SCAI: variants seen among roughly 807,000 people sequenced by gnomAD.
SCAI encodes the protein protein SCAI.
Under a neutral mutation model 92.2 loss-of-function variants are expected in SCAI, and 24 were observed. That is an observed-to-expected ratio of 0.26 (90% CI 0.19 to 0.37). The LOEUF is 0.37. Ranked by LOEUF, SCAI falls within the 10% of genes least tolerant of loss-of-function variation. SCAI has a pLI of 1.00. For missense variants in SCAI, 450 were observed against 736.2 expected (o/e 0.61, Z 4.50); for synonymous variants, 261 against 258.6 (o/e 1.01, Z -0.09).
intron 4 of SCAI, among the ~76,000 whole-genome samples, chr9:125,029,393 A>AT (rs762961776): frequency 6.6e-6 from 1 of 152,198 alleles, no homozygotes; most frequent in African/African-American, 2.4e-5. Context: ...AAGTGCTGGG[A>AT]TTACAGGCAT....
chr9:125,104,990 C>T (rs1444924982), intron 2 of SCAI, among the ~76,000 whole-genome samples: 1 of 150,766 alleles, frequency 6.6e-6, no homozygotes, highest in Non-Finnish European at 1.5e-5. Flanking sequence ...AGTGTCAACA[C>T]TGTTTTGTTT....
chr9:125,138,074 A>G (rs1055975704), intron 2 of SCAI, among the ~76,000 whole-genome samples: 2 of 152,108 alleles, frequency 1.3e-5, no homozygotes, highest in Non-Finnish European at 2.9e-5. Context: ...CACTGGCTTT[A>G]TCTGCTTCTT....
Position 124,999,767 on chromosome 9 carries a change from C to T in SCAI, c.1244+124G>A, listed in dbSNP as rs1832319064. On this transcript the variant is annotated intron_variant, in intron 13 of 17. Transcript: ENST00000336505. ...TCCAAATAAGTGTTTCTGGTCTGTC[C>T]CTAAATCTTAGTCTAAGGGAATCAT... The T allele has an allele frequency of 5.1e-6, 3 of 590,644 alleles. No individual in the cohort carries two copies. In the South Asian group the frequency reaches 6.6e-5, roughly 13 times the overall value. 36.6% of individuals were successfully genotyped at this position (590,644 alleles called of 1,614,324 possible). A position where few individuals can be genotyped will look rare whatever the true frequency, so the allele number is the denominator to read the frequency against.
chr9:125,133,401 AAAAG>A (rs1278536440), intron 2 of SCAI, among the ~76,000 whole-genome samples: 1 of 152,270 alleles, frequency 6.6e-6, no homozygotes, highest in East Asian at 1.9e-4. Context: ...AAACAAAAAA[AAAAG>A]ATTTTGCTTT....
At chr9:125,081,708 G>A (rs1173532385) in intron 2 of SCAI, among the ~76,000 whole-genome samples, 1 of 152,126 alleles carries the variant, frequency 6.6e-6, no homozygotes, top group Non-Finnish European at 1.5e-5. Context: ...GAGTAGCTGG[G>A]ACCACAGGCG....
At chr9:125,100,170 G>A (rs1293718406) in intron 2 of SCAI, among the ~76,000 whole-genome samples, 1 of 152,238 alleles carries the variant, frequency 6.6e-6, no homozygotes, top group African/African-American at 2.4e-5. Context: ...TCTATGAGAA[G>A]TAGCTCTTGT....
chr9:125,136,326 G>A (rs543548763), intron 2 of SCAI, among the ~76,000 whole-genome samples: 6 of 151,850 alleles, frequency 4.0e-5, no homozygotes, highest in African/African-American at 1.4e-4. Context: ...GCCCAGACTG[G>A]TCTTGAACTC....
intron 4 of SCAI, among the ~76,000 whole-genome samples, chr9:125,029,249 G>C (rs544774723): frequency 4.6e-5 from 7 of 152,092 alleles, no homozygotes; most frequent in East Asian, 1.9e-4. Flanking sequence ...AGCCTCCTAA[G>C]TAGCTGGGAT....
intron 3 of SCAI, among the ~76,000 whole-genome samples, chr9:125,037,218 A>G (rs1288702714): frequency 2.0e-5 from 3 of 151,708 alleles, no homozygotes; most frequent in Non-Finnish European, 4.4e-5. Flanking sequence ...GCAGTGAGCT[A>G]AGACCGCACC....
At chr9:125,063,917 C>T (rs529000182) in intron 2 of SCAI, among the ~76,000 whole-genome samples, 9 of 152,238 alleles carry the variant, frequency 5.9e-5, no homozygotes, top group Middle Eastern at 3.4e-3. Flanking sequence ...CCATGCCCAG[C>T]TAAGTCTTGT....
chr9:125,046,196 GATATATATATATATATATATATAT>G (rs71374222), intron 3 of SCAI, among the ~76,000 whole-genome samples: 2 of 51,868 alleles, frequency 3.9e-5, no homozygotes, highest in East Asian at 1.3e-3. Context: ...GAAATTGTGA[GATATATATATATATATATATATAT>G]ATATGCACAC....
At chr9:125,019,890 A>G (rs1325792232) in intron 7 of SCAI, among the ~76,000 whole-genome samples, 1 of 151,960 alleles carries the variant, frequency 6.6e-6, no homozygotes. Context: ...CCTGGGCAAC[A>G]TGGTGAAACC....
At chr9:125,019,646 T>C (rs904013164) in intron 7 of SCAI, among the ~76,000 whole-genome samples, 4 of 152,058 alleles carry the variant, frequency 2.6e-5, no homozygotes, top group African/African-American at 7.2e-5. Context: ...CAAAAAATTA[T>C]ATATTTCTAA....
At chr9:125,084,437 T>C (rs1175529158) in intron 2 of SCAI, among the ~76,000 whole-genome samples, 3 of 151,992 alleles carry the variant, frequency 2.0e-5, no homozygotes, top group Non-Finnish European at 4.4e-5. Context: ...CCCAAAGTGC[T>C]GGGATTACAG....
intron 14 of SCAI, among the ~76,000 whole-genome samples, chr9:124,988,145 A>G (rs946504090): frequency 6.6e-6 from 1 of 152,078 alleles, no homozygotes; most frequent in South Asian, 2.1e-4. Context: ...TCCAGGTGGA[A>G]TAGTTGCATC....
chr9:125,123,143 C>A (rs532323905), intron 2 of SCAI, among the ~76,000 whole-genome samples: 2 of 152,256 alleles, frequency 1.3e-5, no homozygotes, highest in South Asian at 4.1e-4. Context: ...AGGCAGATTG[C>A]CTGTGCTCAG....
At chr9:125,094,356 A>G (rs1834502890) in intron 2 of SCAI, among the ~76,000 whole-genome samples, 1 of 152,168 alleles carries the variant, frequency 6.6e-6, no homozygotes, top group South Asian at 2.1e-4. Context: ...TTCCTGCCAC[A>G]GGGTTGTCTT....
intron 3 of SCAI, among the ~76,000 whole-genome samples, chr9:125,040,862 T>A (rs1833306472): frequency 6.6e-6 from 1 of 152,050 alleles, no homozygotes; most frequent in Admixed American, 6.6e-5. Flanking sequence ...CTTGAACTAC[T>A]GACCTCAAGT....
At chr9:125,113,007 C>CTGAATACA (rs1834961344) in intron 2 of SCAI, among the ~76,000 whole-genome samples, 1 of 152,144 alleles carries the variant, frequency 6.6e-6, no homozygotes, top group African/African-American at 2.4e-5. Flanking sequence ...AAATATATGA[C>CTGAATACA]TGAATACACA....
Sources: gnomAD v4.1 joint callset for allele counts (sites outside exome capture counted in the v4.1 genomes callset) on GRCh38, gnomAD v4.1.1 for gene constraint, MANE v1.5 for transcripts, NCBI Gene and HGNC (gene_info 2026-07-23, HGNC 2026-07-21) for gene names.